Variants in R3HCC1L observed in about 807,000 individuals in gnomAD.
R3HCC1L encodes the protein coiled-coil domain-containing protein R3HCC1L.
In R3HCC1L, 51 loss-of-function variants were observed where a neutral mutation model predicts 59.9. The ratio of observed to expected loss-of-function variants is 0.85; its 90% CI spans 0.68 to 1.07. The LOEUF is 1.07. Ranked by LOEUF, R3HCC1L falls within the 50% of genes least tolerant of loss-of-function variation. The pLI is 0.00. For synonymous variants in R3HCC1L, 322 were observed against 315.2 expected (o/e 1.02, Z -0.23); for missense variants, 965 against 933.0 (o/e 1.03, Z -0.45).
chr10:98,228,546 T>C (rs1221804859), intron 5 of R3HCC1L, among the ~76,000 whole-genome samples: 1 of 152,246 alleles, frequency 6.6e-6, no homozygotes, highest in Non-Finnish European at 1.5e-5. Flanking sequence ...CTGTTCACTC[T>C]GATGGTAGTT....
chr10:98,142,968 CA>C (rs143821810), intron 1 of R3HCC1L, among the ~76,000 whole-genome samples: 59 of 147,644 alleles, frequency 4.0e-4, no homozygotes, highest in African/African-American at 1.0e-3. Context: ...CAAAACAAAA[CA>C]AAAAAAAAAC....
At chr10:98,213,445 A>G (rs1462076382) in intron 5 of R3HCC1L, among the ~76,000 whole-genome samples, 1 of 152,168 alleles carries the variant, frequency 6.6e-6, no homozygotes, top group African/African-American at 2.4e-5. Context: ...CTTATAACAG[A>G]TGTACTAAAA....
At chr10:98,229,940 C>G (rs1856161922) in intron 5 of R3HCC1L, among the ~76,000 whole-genome samples, 1 of 152,186 alleles carries the variant, frequency 6.6e-6, no homozygotes, top group Admixed American at 6.5e-5. Flanking sequence ...CCAACTTGAT[C>G]ATGGTGGATA....
chr10:98,150,526 T>C (rs984522196), intron 1 of R3HCC1L, among the ~76,000 whole-genome samples: 2 of 152,228 alleles, frequency 1.3e-5, no homozygotes, highest in Non-Finnish European at 2.9e-5. Flanking sequence ...TTTTCTTTTT[T>C]TTTTTCCTGC....
intron 6 of R3HCC1L, 127 bp from the exon 7 acceptor site, chr10:98,234,319 C>A: frequency 1.3e-6 from 1 of 788,842 alleles, no homozygotes; most frequent in Non-Finnish European, 2.1e-6. Context: ...GTGTCATTAT[C>A]CCCATTCCAC....
chr10:98,188,302 G>A (rs1038395598), intron 4 of R3HCC1L, among the ~76,000 whole-genome samples: 10 of 152,214 alleles, frequency 6.6e-5, no homozygotes, highest in African/African-American at 2.4e-4. Context: ...CAAGCTTACA[G>A]TTTGGTATGG....
At chr10:98,229,661 T>G (rs1380613559) in intron 5 of R3HCC1L, among the ~76,000 whole-genome samples, 3 of 152,210 alleles carry the variant, frequency 2.0e-5, no homozygotes, top group Non-Finnish European at 4.4e-5. Flanking sequence ...CTTGTGCCAG[T>G]TTTCAAAGGG....
rs546301091 is a variant in R3HCC1L, at chr10:98,156,092, G to C, written c.-267-1G>C. 1.2e-3 allele frequency: 179 copies of C among 150,198 alleles called. No individual in the cohort carries two copies. Among genetic ancestry groups the C allele is most frequent in the African/African-American group, 4.1e-3 (167 of 40,836 alleles). The allele number at this position is 150,198 out of a possible 1,614,324, so 9.3% of individuals were successfully genotyped here. A position where few individuals can be genotyped will look rare whatever the true frequency, so the allele number is the denominator to read the frequency against. ...TTAATTCTTGGAAATTTCTCTTCTA[G>C]AGACTTCCAGTGTCCTACTATTGAA... On this transcript the variant is annotated splice_acceptor_variant, in intron 1 of 9. Coordinates refer to ENST00000298999, the MANE Select transcript of R3HCC1L (RefSeq NM_001351015.2). LOFTEE classifies it low-confidence loss of function (5UTR_SPLICE).
chr10:98,167,896 A>G (rs116868505), intron 4 of R3HCC1L, among the ~76,000 whole-genome samples: 317 of 152,316 alleles, frequency 2.1e-3, no homozygotes, highest in East Asian at 0.015. Context: ...AAATTTACCC[A>G]GTGGTTTATT....
In R3HCC1L at chr10:98,244,210, C is replaced by T. The variant is rs1421719968; in HGVS notation, c.*52C>T. ...CATGAATCAGAAAATGTTTCCATAG[C>T]CTTCAGATAAGATGATCCTTCCAGA... is the stretch of plus-strand genomic sequence containing the variant. On this transcript the variant is annotated 3_prime_UTR_variant, in exon 10 of 10. Transcript: ENST00000298999. 1 of 1,535,000 alleles carries T rather than the reference C, an allele frequency of 6.5e-7. No homozygotes were observed. The highest frequency in any genetic ancestry group is 2.3e-5 in the East Asian group (1 of 44,326).
intron 4 of R3HCC1L, among the ~76,000 whole-genome samples, chr10:98,170,342 G>A (rs1848398197): frequency 6.6e-6 from 1 of 152,018 alleles, no homozygotes; most frequent in Non-Finnish European, 1.5e-5. Flanking sequence ...TTGAGACTGG[G>A]TCTTGCTCTG....
At chr10:98,136,405 A>G (rs1844586430) in intron 1 of R3HCC1L, among the ~76,000 whole-genome samples, 1 of 152,168 alleles carries the variant, frequency 6.6e-6, no homozygotes, top group Admixed American at 6.5e-5. Context: ...TTCAAATTTC[A>G]GATTTTGGTA....
intron 4 of R3HCC1L, among the ~76,000 whole-genome samples, chr10:98,180,324 G>A (rs192460367): frequency 1.3e-5 from 2 of 152,114 alleles, no homozygotes; most frequent in Non-Finnish European, 2.9e-5. Flanking sequence ...ATGAAATAAC[G>A]TCATTCAGGA....
At chr10:98,139,279 T>C (rs1844893154) in intron 1 of R3HCC1L, among the ~76,000 whole-genome samples, 1 of 152,232 alleles carries the variant, frequency 6.6e-6, no homozygotes, top group African/African-American at 2.4e-5. Flanking sequence ...AGCAAAAGTA[T>C]AGATTTTTCA....
intron 9 of R3HCC1L, among the ~76,000 whole-genome samples, chr10:98,242,440 T>C (rs1164482138): frequency 6.6e-6 from 1 of 152,208 alleles, no homozygotes; most frequent in Non-Finnish European, 1.5e-5. Context: ...CACATTAATA[T>C]TTCTGCAGCA....
chr10:98,170,524 C>T (rs1458906428), intron 4 of R3HCC1L, among the ~76,000 whole-genome samples: 2 of 152,156 alleles, frequency 1.3e-5, no homozygotes, highest in Non-Finnish European at 2.9e-5. Flanking sequence ...CAGAGTCTTG[C>T]TAAGTTGCCC....
intron 8 of R3HCC1L, among the ~76,000 whole-genome samples, chr10:98,235,754 C>A (rs1457270069): frequency 6.6e-6 from 1 of 152,226 alleles, no homozygotes; most frequent in Non-Finnish European, 1.5e-5. Flanking sequence ...CAATCAGTTT[C>A]TGATGACATC....
At chr10:98,143,908 G>A (rs1214162970) in intron 1 of R3HCC1L, among the ~76,000 whole-genome samples, 1 of 152,024 alleles carries the variant, frequency 6.6e-6, no homozygotes, top group African/African-American at 2.4e-5. Context: ...GTTAACATTG[G>A]GGTTTATTAC....
chr10:98,149,490 C>T (rs1298429689), intron 1 of R3HCC1L, among the ~76,000 whole-genome samples: 1 of 152,052 alleles, frequency 6.6e-6, no homozygotes, highest in Non-Finnish European at 1.5e-5. Flanking sequence ...ATTGCTATAA[C>T]TTCCCTCTTA....
Sources: gnomAD v4.1 joint callset for allele counts (sites outside exome capture counted in the v4.1 genomes callset) on GRCh38, gnomAD v4.1.1 for gene constraint, MANE v1.5 for transcripts, NCBI Gene and HGNC (gene_info 2026-07-23, HGNC 2026-07-21) for gene names.